Variants in IGF1R observed in about 807,000 individuals in gnomAD.
The protein encoded by IGF1R is insulin like growth factor 1 receptor, also known as insulin-like growth factor 1 receptor.
IGF1R carries 44 observed loss-of-function variants against 144.6 expected under a neutral mutation model. The observed-to-expected ratio is 0.30, with a 90% confidence interval of 0.24 to 0.39. The LOEUF (loss-of-function observed/expected upper bound fraction) is 0.39. IGF1R is among the 10% of genes least tolerant of loss of function. The pLI is 1.00. For synonymous variants in IGF1R, 795 were observed against 722.8 expected, an observed-to-expected ratio of 1.10 and a Z score of -1.60; for missense variants, 1,355 against 1,833.7, an observed-to-expected ratio of 0.74 and a Z score of 4.77.
rs2052256166 is a variant in IGF1R at position 98,648,781 on chromosome 15, G to A, written c.-801G>A. On this transcript the variant is annotated 5_prime_UTR_variant, in exon 1 of 21. Coordinates refer to ENST00000650285, the MANE Select transcript of IGF1R (RefSeq NM_000875.5). ...CCCTCCACGCCCCTCCCGCGCGGGG[G>A]CAGCTCCACGGCGCGCCTCGCCTCG... 1.4e-5 allele frequency among the ~76,000 whole-genome samples: 2 copies of A among 143,060 alleles called. No homozygotes were observed. The highest frequency in any genetic ancestry group is 1.4e-4 in the Admixed American group (2 of 14,564). The allele number at this position is 143,060 out of a possible 152,430, so 93.9% of individuals were successfully genotyped here.
chr15:98,680,333 C>G (rs545464882), intron 1 of IGF1R, among the ~76,000 whole-genome samples: 1 of 150,564 alleles, frequency 6.6e-6, no homozygotes, highest in Admixed American at 6.6e-5. Flanking sequence ...GTGGTGCAGT[C>G]TCGGCTCACT....
At chr15:98,653,963 C>T (rs977356673) in intron 1 of IGF1R, among the ~76,000 whole-genome samples, 1 of 152,214 alleles carries the variant, frequency 6.6e-6, no homozygotes, top group South Asian at 2.1e-4. Context: ...TATTGTGCAC[C>T]TACTGTATGA....
intron 2 of IGF1R, among the ~76,000 whole-genome samples, chr15:98,772,087 C>T (rs1256555023): frequency 6.6e-6 from 1 of 152,058 alleles, no homozygotes; most frequent in Admixed American, 6.6e-5. Context: ...CCAGTGAGAC[C>T]CCCAAACTGC....
chr15:98,837,331 C>G (rs571831751), intron 2 of IGF1R, among the ~76,000 whole-genome samples: 1 of 152,270 alleles, frequency 6.6e-6, no homozygotes, highest in East Asian at 1.9e-4. Flanking sequence ...CTCCAACTCC[C>G]TGGTTCAAGC....
chr15:98,784,031 A>G lies in IGF1R; in HGVS notation c.640+75924A>G, dbSNP rs184061416. Reference sequence around the variant, plus strand: ...CCTTTGTTGCCCAGGCTAGAGTGCAATGGCGCAGTCTCAGCTCACTGCAGC... The same window carrying G: ...CCTTTGTTGCCCAGGCTAGAGTGCAGTGGCGCAGTCTCAGCTCACTGCAGC... On this transcript the variant is annotated intron_variant, in intron 2 of 20. Transcript: ENST00000650285. Among the ~76,000 whole-genome samples, 532 of 120,660 alleles carry G rather than the reference A, an allele frequency of 4.4e-3. 4 individuals are homozygous for G. Among genetic ancestry groups the G allele is most frequent in the African/African-American group, 0.015 (470 of 30,942 alleles). The allele number at this position is 120,660 out of a possible 152,430, so 79.2% of individuals were successfully genotyped here.
At chr15:98,870,815 G>A (rs1042069558) in intron 2 of IGF1R, among the ~76,000 whole-genome samples, 21 of 152,340 alleles carry the variant, frequency 1.4e-4, no homozygotes, top group Middle Eastern at 3.4e-3. Context: ...AAGCAGGTGG[G>A]CAATGTACTC....
At chr15:98,929,466 A>AT in intron 13 of IGF1R, 92 bp from the exon 14 acceptor site, 6 of 987,848 alleles carry the variant, frequency 6.1e-6, no homozygotes, top group East Asian at 2.4e-5. Flanking sequence ...ATATACAGGT[A>AT]TTTTTTTCAT....
rs1327030939 is a variant in IGF1R, at chr15:98,961,491, CCA to C, written c.*4052_*4053del. The C allele has an allele frequency of 1.3e-5, 3 of 233,414 alleles. No homozygotes were observed. Among genetic ancestry groups the C allele is most frequent in the Non-Finnish European group, 2.5e-5 (3 of 118,042 alleles). 14.5% of individuals were successfully genotyped at this position (233,414 alleles called of 1,614,324 possible). A position where few individuals can be genotyped will look rare whatever the true frequency, so the allele number is the denominator to read the frequency against. On this transcript the variant is annotated 3_prime_UTR_variant, in exon 21 of 21. Transcript: ENST00000650285. ...TTGACTATACCAAGGCATCATCTAT[CCA>C]CAGTTCTAGCCTAACTTCATGCTGA...
At chr15:98,846,704 C>T (rs565939760) in intron 2 of IGF1R, among the ~76,000 whole-genome samples, 1 of 152,310 alleles carries the variant, frequency 6.6e-6, no homozygotes, top group African/African-American at 2.4e-5. Flanking sequence ...TCGAGAGGGG[C>T]AGTGTTTCTC....
intron 2 of IGF1R, among the ~76,000 whole-genome samples, chr15:98,876,565 A>G (rs1446864847): frequency 6.6e-6 from 1 of 152,234 alleles, no homozygotes; most frequent in Non-Finnish European, 1.5e-5. Flanking sequence ...TAGCAAAATA[A>G]AATATGAGCC....
At chr15:98,749,820 C>A (rs563207711) in intron 2 of IGF1R, among the ~76,000 whole-genome samples, 2 of 151,884 alleles carry the variant, frequency 1.3e-5, no homozygotes, top group African/African-American at 4.8e-5. Flanking sequence ...GACTACTTAA[C>A]CATAACGTTC....
In IGF1R at chr15:98,899,006, A is replaced by G. The variant is rs189516163; in HGVS notation, c.1103-471A>G. Among the ~76,000 whole-genome samples, 249 of 152,338 alleles carry G rather than the reference A, an allele frequency of 1.6e-3. 1 individual carries two copies. Among genetic ancestry groups the G allele is most frequent in the African/African-American group, 5.5e-3 (229 of 41,574 alleles). On this transcript the variant is annotated intron_variant, in intron 4 of 20. Transcript: ENST00000650285. ...TTTTGGTGTATTTTCTTCAAGTCTT[A>G]GTAAAATGGAACCTTTAAATATAGA...
At chr15:98,868,295 C>A (rs1326080168) in intron 2 of IGF1R, among the ~76,000 whole-genome samples, 1 of 116,438 alleles carries the variant, frequency 8.6e-6, no homozygotes, top group African/African-American at 3.1e-5. Context: ...CCACTGCACT[C>A]CAGCCTGGAC....
intron 2 of IGF1R, among the ~76,000 whole-genome samples, chr15:98,821,280 GCCTC>G (rs759469260): frequency 6.8e-5 from 10 of 146,632 alleles, no homozygotes; most frequent in Middle Eastern, 3.5e-3. Context: ...TTTTAAACAC[GCCTC>G]CCCCCCCCCT....
At chr15:98,720,864 C>T (rs1338980288) in intron 2 of IGF1R, among the ~76,000 whole-genome samples, 1 of 152,126 alleles carries the variant, frequency 6.6e-6, no homozygotes, top group Non-Finnish European at 1.5e-5. Context: ...GTAAGCTTTC[C>T]CTCATCCAGA....
At chr15:98,918,948 G>A (rs1290466093) in intron 10 of IGF1R, among the ~76,000 whole-genome samples, 5 of 152,112 alleles carry the variant, frequency 3.3e-5, no homozygotes, top group African/African-American at 1.2e-4. Flanking sequence ...AGCCTGCCCC[G>A]CTGGGGGAGT....
At chr15:98,778,406 TATTC>T (rs1289342862) in intron 2 of IGF1R, among the ~76,000 whole-genome samples, 1 of 152,222 alleles carries the variant, frequency 6.6e-6, no homozygotes, top group Non-Finnish European at 1.5e-5. Context: ...CTCATTCTGT[TATTC>T]ATGTCATTTT....
chr15:98,667,757 G>T (rs1309913311), intron 1 of IGF1R, among the ~76,000 whole-genome samples: 1 of 152,166 alleles, frequency 6.6e-6, no homozygotes, highest in East Asian at 1.9e-4. Context: ...GAGGAAGCCT[G>T]CTGCGGGCAA....
chr15:98,904,789 T>C (rs1433123441), intron 5 of IGF1R, among the ~76,000 whole-genome samples: 1 of 152,232 alleles, frequency 6.6e-6, no homozygotes, highest in Admixed American at 6.5e-5. Context: ...AAACTGTCCC[T>C]TCCTACCTCT....
Sources: gnomAD v4.1 joint callset for allele counts (sites outside exome capture counted in the v4.1 genomes callset) on GRCh38, gnomAD v4.1.1 for gene constraint, MANE v1.5 for transcripts, NCBI Gene and HGNC (gene_info 2026-07-23, HGNC 2026-07-21) for gene names.